DHRS7C: variants seen among roughly 807,000 people sequenced by gnomAD.
DHRS7C encodes the protein dehydrogenase/reductase 7C, also known as dehydrogenase/reductase SDR family member 7C.
Under a neutral mutation model 29.6 loss-of-function variants are expected in DHRS7C, and 28 were observed. The observed-to-expected ratio is 0.95, with a 90% CI of 0.70 to 1.30. The LOEUF is 1.30. DHRS7C is among the 50% of genes most tolerant of loss of function. The pLI, the probability that DHRS7C is intolerant of heterozygous loss-of-function variation, is 0.00. For synonymous variants in DHRS7C, 158 were observed against 160.2 expected, an observed-to-expected ratio of 0.99 and a Z score of 0.10; for missense variants, 403 against 393.3, an observed-to-expected ratio of 1.02 and a Z score of -0.21.
At chr17:9,782,459 CA>C (rs764308191) in intron 1 of DHRS7C, among the ~76,000 whole-genome samples, 1 of 152,106 alleles carries the variant, frequency 6.6e-6, no homozygotes, top group Non-Finnish European at 1.5e-5. Flanking sequence ...TGGTTTGATC[CA>C]GGAAAGACTC....
intron 1 of DHRS7C, among the ~76,000 whole-genome samples, chr17:9,790,445 G>A (rs1423123721): frequency 6.6e-6 from 1 of 152,226 alleles, no homozygotes; most frequent in Non-Finnish European, 1.5e-5. Context: ...ATATAATTCA[G>A]GAGTTGCAAA....
intron 1 of DHRS7C, among the ~76,000 whole-genome samples, chr17:9,789,278 C>T (rs1389179906): frequency 6.6e-6 from 1 of 152,184 alleles, no homozygotes; most frequent in Non-Finnish European, 1.5e-5. Context: ...AACCTCAGCA[C>T]ATTTAAAAGA....
intron 5 of DHRS7C, among the ~76,000 whole-genome samples, chr17:9,772,038 C>T (rs2066332352): frequency 6.6e-6 from 1 of 152,148 alleles, no homozygotes; most frequent in Non-Finnish European, 1.5e-5. Context: ...TGAAGCTGTG[C>T]TTGTCAGGAG....
In DHRS7C at chr17:9,773,259, CA is replaced by C. The variant is rs201065308; in HGVS notation, c.572-338del. ...TGTGAAGATCAAATGAGAAAACATA[CA>C]GAATGCCGGCACAAACATGAATTCC... On this transcript the variant is annotated intron_variant, in intron 4 of 5. Transcript: ENST00000571134. Among the ~76,000 whole-genome samples the C allele has an allele frequency of 5.5e-3, 839 of 152,146 alleles. 7 individuals carry two copies. The highest frequency in any genetic ancestry group is 7.7e-3 in the Non-Finnish European group (527 of 68,024).
intron 2 of DHRS7C, 90 bp from the exon 3 acceptor site, chr17:9,780,125 T>C: frequency 1.8e-6 from 2 of 1,142,392 alleles, no homozygotes; most frequent in Non-Finnish European, 2.4e-6. Flanking sequence ...CCACCCATTT[T>C]GAAATTCAAA....
rs899168483 is a variant in DHRS7C, at chr17:9,775,260, T to C, written c.571+1933A>G. Among the ~76,000 whole-genome samples the C allele has an allele frequency of 1.3e-4, 20 of 152,242 alleles. No individual in the cohort carries two copies. The East Asian group carries it at 2.1e-3, about 16-fold the overall frequency. On this transcript the variant is annotated intron_variant, in intron 4 of 5. Transcript: ENST00000571134. This position sits in a 1 kb window ranked among gnomAD's most constrained non-coding sequence, Gnocchi z 4.2. ...GCAGTGGGGAGATTCCTAAGTGGACTGGGGAAGAGAGGAAAAGGCAGGATG... is the reference window on the plus strand; with the variant it reads ...GCAGTGGGGAGATTCCTAAGTGGACCGGGGAAGAGAGGAAAAGGCAGGATG...
In DHRS7C at chr17:9,779,989, C is replaced by A; in HGVS notation, c.314G>T (p.Cys105Phe). 1 of 1,613,906 alleles carries A rather than the reference C, an allele frequency of 6.2e-7. No homozygotes were observed. Among genetic ancestry groups the A allele is most frequent in the Non-Finnish European group, 8.5e-7 (1 of 1,179,878 alleles). Residue 105 changes from cysteine (C) to phenylalanine (F), a missense_variant, in exon 3 of 6, where the codon TGT becomes TTT. Coordinates refer to ENST00000571134, the MANE Select transcript of DHRS7C (RefSeq NM_001105571.3). ...GACTTCTTTTGCCACATCTGGGACA[C>A]AGCTGATGTCTGAGAGGTCCAACAG... ...LVLLDLSDIS[C>F]VPDVAKEVLD...
At chr17:9,782,079 A>G (rs750066496) in intron 1 of DHRS7C, among the ~76,000 whole-genome samples, 26 of 152,160 alleles carry the variant, frequency 1.7e-4, no homozygotes, top group Non-Finnish European at 2.9e-4. Context: ...TTTCCTCTGG[A>G]CTGATTCCTG....
chr17:9,773,070 A>C (rs2066341132), intron 4 of DHRS7C, 148 bp from the exon 5 acceptor site: 1 of 983,366 alleles, frequency 1.0e-6, no homozygotes, highest in Non-Finnish European at 1.5e-6. Context: ...CACTTTACAA[A>C]TGAGGACAGA....
chr17:9,784,738 A>G lies in DHRS7C; in HGVS notation c.155-3144T>C, dbSNP rs80211060. Among the ~76,000 whole-genome samples the G allele has an allele frequency of 4.5e-3, 678 of 152,352 alleles. 6 individuals carry two copies. The highest frequency in any genetic ancestry group is 0.015 in the African/African-American group (640 of 41,586). The stretch of plus-strand genomic sequence containing the variant: ...GAAGGTGAGTCAATACCAGTAATAC[A>G]TAAATGCAAACTAAAACATGGGGCT... On this transcript the variant is annotated intron_variant, in intron 1 of 5. Coordinates refer to ENST00000571134, the MANE Select transcript of DHRS7C (RefSeq NM_001105571.3).
At position 9,771,598 on chromosome 17, in the gene DHRS7C, T is replaced by G. The variant is rs750405748; in HGVS notation, c.826A>C (p.Asn276His). 17 of 1,600,014 alleles carry G rather than the reference T, an allele frequency of 1.1e-5. No individual in the cohort carries two copies. The East Asian group carries it at 3.7e-4, about 34-fold the overall frequency. ...RRKKQEVFMANPIPKAAVYVR... is the reference protein window; with the variant it reads ...RRKKQEVFMAHPIPKAAVYVR... ...TACACGGCGGCCTTGGGGATGGGGT[T>G]GGCCATAAACACCTCTTGCTTCTTC... The change falls in exon 6 of 6, where the codon AAC becomes CAC. Residue 276 changes from asparagine to histidine, a missense_variant. Physicochemically the swap from Asn to His is moderately conservative, Grantham distance 68. Coordinates refer to ENST00000571134, the MANE Select transcript of DHRS7C (RefSeq NM_001105571.3).
At chr17:9,780,074 C>A (rs1466540648) in intron 2 of DHRS7C, 39 bp from the exon 3 acceptor site, 2 of 1,590,440 alleles carry the variant, frequency 1.3e-6, no homozygotes, top group East Asian at 2.3e-5. Context: ...TGTGTGAGAT[C>A]TCCTCCCTCT....
chr17:9,789,282 T>G (rs76402722), intron 1 of DHRS7C, among the ~76,000 whole-genome samples: 4,764 of 152,232 alleles, frequency 0.031, 116 homozygotes, highest in Admixed American at 0.044. Context: ...TCAGCACATT[T>G]AAAAGAATCG....
intron 1 of DHRS7C, among the ~76,000 whole-genome samples, chr17:9,784,244 G>A (rs1302600188): frequency 4.6e-5 from 7 of 152,044 alleles, no homozygotes; most frequent in Non-Finnish European, 8.8e-5. Flanking sequence ...AGGCCAAGGC[G>A]GGCAGATCAC....
In DHRS7C at chr17:9,772,940, C is replaced by T. The variant is rs1053735323; in HGVS notation, c.572-18G>A. ...GGCAGCGTCTGCGAGACAAACCATC[C>T]GGAGGTGGGCGCAGGACACTCCCGG... is the stretch of plus-strand genomic sequence containing the variant. On this transcript the variant is annotated intron_variant, in intron 4 of 5. Coordinates refer to ENST00000571134, the MANE Select transcript of DHRS7C (RefSeq NM_001105571.3). The T allele has an allele frequency of 3.8e-5, 62 of 1,612,046 alleles. No individual in the cohort carries two copies. Among genetic ancestry groups the T allele is most frequent in the Non-Finnish European group, 5.2e-5 (61 of 1,179,616 alleles).
chr17:9,788,180 C>T (rs1007496450), intron 1 of DHRS7C, among the ~76,000 whole-genome samples: 5 of 152,216 alleles, frequency 3.3e-5, no homozygotes, highest in African/African-American at 7.2e-5. Flanking sequence ...TTGGCTATTC[C>T]GATAGCCATT....
At chr17:9,786,735 G>A (rs2066426219) in intron 1 of DHRS7C, among the ~76,000 whole-genome samples, 2 of 152,258 alleles carry the variant, frequency 1.3e-5, no homozygotes, top group South Asian at 4.1e-4. Flanking sequence ...ACAAATGAGA[G>A]AAGTGAGGTT....
Position 9,791,373 on chromosome 17 carries a change from T to A in DHRS7C, c.-89A>T. On this transcript the variant is annotated 5_prime_UTR_variant, in exon 1 of 6. Coordinates refer to ENST00000571134, the MANE Select transcript of DHRS7C (RefSeq NM_001105571.3). ...CCCAGGGCAGGGGGAGGCCCAAGGC[T>A]GCAGGGAGCTCAGCTCTGTGCAAGC... The A allele has an allele frequency of 6.8e-7, 1 of 1,469,670 alleles. No homozygotes were observed. The highest frequency in any genetic ancestry group is 9.2e-7 in the Non-Finnish European group (1 of 1,084,206). The allele number at this position is 1,469,670 out of a possible 1,614,324, so 91.0% of individuals were successfully genotyped here.
At position 9,779,919 on chromosome 17, in the gene DHRS7C, A is replaced by G. The variant is rs534064220; in HGVS notation, c.384T>C (p.Ser128=). ...GCVDILINNA[S]VKVKGPAHKI... ...TATGGGCAGGCCCCTTCACCTTCAC[A>G]CTGGCATTGTTGATGAGGATGTCCA... The change falls in exon 3 of 6, where the codon AGT becomes AGC. Residue 128 remains serine, a synonymous_variant. Coordinates refer to ENST00000571134, the MANE Select transcript of DHRS7C (RefSeq NM_001105571.3). The G allele has an allele frequency of 5.6e-6, 9 of 1,613,928 alleles. No homozygotes were observed. Among genetic ancestry groups the G allele is most frequent in the Non-Finnish European group, 6.8e-6 (8 of 1,179,864 alleles).
Sources: allele counts gnomAD v4.1 joint callset (sites outside exome capture counted in the v4.1 genomes callset), GRCh38; gene constraint gnomAD v4.1.1; non-coding constraint Gnocchi (gnomAD v3.1); transcripts MANE v1.5; gene names NCBI Gene and HGNC (gene_info 2026-07-23, HGNC 2026-07-21).